MARCHF1: variants seen among roughly 807,000 people sequenced by gnomAD.
MARCHF1 encodes membrane associated ring-CH-type finger 1.
Under a neutral mutation model 54.2 loss-of-function variants are expected in MARCHF1, and 40 were observed. The observed-to-expected ratio is 0.74, with a 90% confidence interval of 0.57 to 0.96. MARCHF1 has a LOEUF of 0.96. MARCHF1 is among the 40% of genes least tolerant of loss of function. The pLI, the probability that MARCHF1 is intolerant of heterozygous loss-of-function variation, is 0.00. For missense variants in MARCHF1, 586 were observed against 656.5 expected, an observed-to-expected ratio of 0.89 and a Z score of 1.17; for synonymous variants, 236 against 236.3, an observed-to-expected ratio of 1.00 and a Z score of 0.01.
chr4:164,228,070 A>G (rs908138092), intron 1 of MARCHF1, among the ~76,000 whole-genome samples: 3 of 152,216 alleles, frequency 2.0e-5, no homozygotes, highest in African/African-American at 7.2e-5. Context: ...AATGTAAGCA[A>G]GGTATTACAC....
intron 3 of MARCHF1, among the ~76,000 whole-genome samples, chr4:163,918,750 T>C (rs529560089): frequency 9.1e-5 from 13 of 142,786 alleles, no homozygotes; most frequent in African/African-American, 3.4e-4. Flanking sequence ...TGCTAATGTA[T>C]GCATTAACTG....
intron 2 of MARCHF1, among the ~76,000 whole-genome samples, chr4:164,077,144 A>G (rs372896503): frequency 1.3e-4 from 20 of 152,352 alleles, no homozygotes; most frequent in African/African-American, 4.8e-4. Context: ...ACAAGTTTAC[A>G]GTAACCCAAA....
rs540113834 is a variant in MARCHF1 at position 163,786,061 on chromosome 4, G to A, written c.111+67960C>T. ...GGAAATGTGGGTAGCCTCAACAGCT[G>A]AAAAAGGCCGGGAAATGAGCTCTCC... On this transcript the variant is annotated intron_variant, in intron 4 of 9. Transcript: ENST00000514618. 3.3e-5 allele frequency among the ~76,000 whole-genome samples: 5 copies of A among 152,052 alleles called. No homozygotes were observed. In the South Asian group the frequency reaches 8.3e-4, roughly 25 times the overall value.
At chr4:163,892,602 T>TA (rs1463766201) in intron 3 of MARCHF1, among the ~76,000 whole-genome samples, 6 of 143,520 alleles carry the variant, frequency 4.2e-5, no homozygotes, top group African/African-American at 1.3e-4. Context: ...AAAATAAAAA[T>TA]AAAAATAAAA....
intron 4 of MARCHF1, among the ~76,000 whole-genome samples, chr4:163,749,387 G>A (rs1746454649): frequency 6.6e-6 from 1 of 151,526 alleles, no homozygotes. Flanking sequence ...AATAAAATCA[G>A]GTTTGCTTCT....
In MARCHF1 at chr4:163,787,218, A is replaced by T. The variant is rs76512072; in HGVS notation, c.111+66803T>A. Among the ~76,000 whole-genome samples, 1,092 of 151,950 alleles carry T rather than the reference A, an allele frequency of 7.2e-3. 6 individuals are homozygous for T. Among genetic ancestry groups the T allele is most frequent in the South Asian group, 0.03 (143 of 4,808 alleles). ...GAAGCAAAGACAACAAAAGAAAAAAATGGACAAATGGGACTCCATCAAACT... is the reference window on the plus strand; with the variant it reads ...GAAGCAAAGACAACAAAAGAAAAAATTGGACAAATGGGACTCCATCAAACT... On this transcript the variant is annotated intron_variant, in intron 4 of 9. Transcript: ENST00000514618.
intron 5 of MARCHF1, among the ~76,000 whole-genome samples, chr4:163,693,329 G>A (rs539287921): frequency 3.0e-4 from 45 of 151,482 alleles, no homozygotes; most frequent in Non-Finnish European, 5.9e-4. Flanking sequence ...TATCAAGAAG[G>A]ACCCAGGCTG....
intron 1 of MARCHF1, among the ~76,000 whole-genome samples, chr4:164,137,876 C>T (rs1028344478): frequency 9.2e-5 from 14 of 152,072 alleles, no homozygotes; most frequent in African/African-American, 3.1e-4. Flanking sequence ...GAACTGATAG[C>T]AGCAGATTTA....
chr4:163,862,723 A>G (rs1033123954), intron 3 of MARCHF1, among the ~76,000 whole-genome samples: 1 of 152,094 alleles, frequency 6.6e-6, no homozygotes, highest in African/African-American at 2.4e-5. Context: ...CTATTTACCC[A>G]ACTGATTTTT....
chr4:164,206,113 CT>C (rs35642368), intron 1 of MARCHF1, among the ~76,000 whole-genome samples: 29,351 of 152,038 alleles, frequency 0.19, 3,267 homozygotes, highest in Admixed American at 0.28. Context: ...CCCGAGTTAT[CT>C]TTGTTAAAAA....
chr4:164,229,239 G>A (rs4621388), intron 1 of MARCHF1, among the ~76,000 whole-genome samples: 2,929 of 152,224 alleles, frequency 0.019, 91 homozygotes, highest in East Asian at 0.12. Context: ...TGTTTTTAAC[G>A]ATGAATAGGA....
At chr4:163,769,978 A>C (rs1241336642) in intron 4 of MARCHF1, among the ~76,000 whole-genome samples, 4 of 152,120 alleles carry the variant, frequency 2.6e-5, no homozygotes, top group Non-Finnish European at 5.9e-5. Context: ...ACTCATCATG[A>C]AGACAATGAG....
At chr4:164,198,070 C>G in intron 1 of MARCHF1, among the ~76,000 whole-genome samples, 1 of 152,220 alleles carries the variant, frequency 6.6e-6, no homozygotes, top group East Asian at 1.9e-4. Flanking sequence ...AGACCTGACA[C>G]GGGATATCTT....
At chr4:164,254,435 T>A (rs912958649) in intron 1 of MARCHF1, among the ~76,000 whole-genome samples, 14 of 150,978 alleles carry the variant, frequency 9.3e-5, no homozygotes, top group Non-Finnish European at 1.8e-4. Flanking sequence ...TATGTATCAA[T>A]ATATAAGGTT....
At chr4:164,158,567 G>C (rs548020273) in intron 1 of MARCHF1, among the ~76,000 whole-genome samples, 1 of 152,234 alleles carries the variant, frequency 6.6e-6, no homozygotes, top group East Asian at 1.9e-4. Flanking sequence ...CTTGAACCAG[G>C]GAGGCAGAGG....
chr4:164,183,870 A>C (rs2111022795), intron 1 of MARCHF1, among the ~76,000 whole-genome samples: 1 of 152,300 alleles, frequency 6.6e-6, no homozygotes, highest in East Asian at 1.9e-4. Flanking sequence ...AAAAGAAAAT[A>C]ATCATCATGG....
At chr4:164,296,925 T>TAG (rs1734425923) in intron 1 of MARCHF1, among the ~76,000 whole-genome samples, 1 of 152,200 alleles carries the variant, frequency 6.6e-6, no homozygotes, top group Admixed American at 6.6e-5. Flanking sequence ...AAGGAGGTGG[T>TAG]AGAGCCTAAT....
intron 2 of MARCHF1, among the ~76,000 whole-genome samples, chr4:164,065,330 T>C (rs1473598197): frequency 2.6e-5 from 4 of 152,184 alleles, no homozygotes; most frequent in Non-Finnish European, 5.9e-5. Context: ...CCCAAAACTA[T>C]AAAAATCCTG....
intron 1 of MARCHF1, among the ~76,000 whole-genome samples, chr4:164,241,933 G>A (rs1019944849): frequency 1.3e-5 from 2 of 152,190 alleles, no homozygotes; most frequent in African/African-American, 2.4e-5. Flanking sequence ...CTTAAAAAAC[G>A]GTGCACCACG....
Sources: allele counts gnomAD v4.1 joint callset (sites outside exome capture counted in the v4.1 genomes callset), GRCh38; gene constraint gnomAD v4.1.1; transcripts MANE v1.5; gene names NCBI Gene and HGNC (gene_info 2026-07-23, HGNC 2026-07-21).